The following ELMO1 variants were observed in gnomAD, a reference collection of about 807,000 sequenced individuals.
ELMO1 encodes engulfment and cell motility 1.
Under a neutral mutation model 98.9 loss-of-function variants are expected in ELMO1, and 26 were observed. The ratio of observed to expected loss-of-function variants is 0.26; its 90% CI spans 0.19 to 0.36. The LOEUF (loss-of-function observed/expected upper bound fraction) is 0.36. Ranked by LOEUF, ELMO1 falls within the 10% of genes least tolerant of loss-of-function variation. The pLI is 1.00. For synonymous variants in ELMO1, 346 were observed against 346.0 expected (o/e 1.00, Z 0.00); for missense variants, 627 against 935.2 (o/e 0.67, Z 4.30).
At chr7:37,229,705 A>G (rs550604319) in intron 8 of ELMO1, among the ~76,000 whole-genome samples, 45 of 152,312 alleles carry the variant, frequency 3.0e-4, no homozygotes, top group African/African-American at 1.1e-3. Flanking sequence ...TAAAAAAGTT[A>G]ACCTTACAGA....
At chr7:37,162,412 T>A (rs1434065907) in intron 13 of ELMO1, among the ~76,000 whole-genome samples, 2 of 152,162 alleles carry the variant, frequency 1.3e-5, no homozygotes, top group African/African-American at 2.4e-5. Flanking sequence ...TCCACACAAG[T>A]AGAATCATTT....
intron 10 of ELMO1, among the ~76,000 whole-genome samples, chr7:37,217,182 GA>G (rs1793335785): frequency 6.6e-6 from 1 of 152,198 alleles, no homozygotes; most frequent in African/African-American, 2.4e-5. Context: ...GATCTGAGTG[GA>G]GTTTAAGTGA....
chr7:36,979,396 A>G (rs1790854796), intron 16 of ELMO1, among the ~76,000 whole-genome samples: 1 of 152,196 alleles, frequency 6.6e-6, no homozygotes, highest in African/African-American at 2.4e-5. Context: ...GTTCACAGAG[A>G]TTAAGGAGTC....
intron 7 of ELMO1, among the ~76,000 whole-genome samples, chr7:37,235,945 AAAC>A (rs1305321196): frequency 1.3e-5 from 2 of 152,178 alleles, no homozygotes; most frequent in Non-Finnish European, 2.9e-5. Context: ...ATAAACCAAT[AAAC>A]AACAAAAAAT....
At chr7:37,416,581 C>T (rs547430883) in intron 1 of ELMO1, among the ~76,000 whole-genome samples, 2 of 152,294 alleles carry the variant, frequency 1.3e-5, no homozygotes, top group East Asian at 1.9e-4. Flanking sequence ...CTTAGATTCC[C>T]GCCCTAAAAG....
chr7:37,180,748 G>GT (rs914356193), intron 13 of ELMO1, among the ~76,000 whole-genome samples: 16 of 151,908 alleles, frequency 1.1e-4, no homozygotes, highest in African/African-American at 2.4e-4. Context: ...GCTCTAAAGT[G>GT]TTTTTTTGGG....
intron 16 of ELMO1, among the ~76,000 whole-genome samples, chr7:36,934,249 C>A (rs1341637819): frequency 5.9e-5 from 9 of 152,220 alleles, no homozygotes; most frequent in African/African-American, 1.9e-4. Flanking sequence ...TTCCCACAAC[C>A]AAGACAATGA....
At chr7:37,252,644 G>A (rs965103828) in intron 6 of ELMO1, among the ~76,000 whole-genome samples, 9 of 151,970 alleles carry the variant, frequency 5.9e-5, no homozygotes, top group African/African-American at 2.2e-4. Context: ...GAATACCTAG[G>A]AATACCATTC....
At chr7:37,192,971 A>T in intron 13 of ELMO1, among the ~76,000 whole-genome samples, 1 of 17,052 alleles carries the variant, frequency 5.9e-5, no homozygotes, top group African/African-American at 1.1e-4. Context: ...TATATAGGAG[A>T]TATATATATA....
chr7:37,397,458 T>C (rs980327993), intron 1 of ELMO1, among the ~76,000 whole-genome samples: 4 of 152,194 alleles, frequency 2.6e-5, no homozygotes, highest in Non-Finnish European at 4.4e-5. Context: ...TTGGGCAGCA[T>C]CCATGCACAA....
chr7:37,205,065 C>A (rs1200918388), intron 13 of ELMO1, among the ~76,000 whole-genome samples: 2 of 152,198 alleles, frequency 1.3e-5, no homozygotes, highest in African/African-American at 2.4e-5. Flanking sequence ...CCCACCCAAC[C>A]CAGAAGCCCA....
chr7:37,224,396 A>G (rs1793756472), intron 9 of ELMO1, among the ~76,000 whole-genome samples: 2 of 152,248 alleles, frequency 1.3e-5, no homozygotes, highest in South Asian at 4.1e-4. Flanking sequence ...AAAATACAAA[A>G]GAAGAAGCTC....
chr7:36,985,183 T>C (rs1406504327), intron 16 of ELMO1: 2 of 894,732 alleles, frequency 2.2e-6, no homozygotes, highest in South Asian at 1.0e-4. Flanking sequence ...AGCATCCCTT[T>C]CCTGGCAGAG....
At chr7:36,875,448 T>C (rs1289277104) in intron 19 of ELMO1, among the ~76,000 whole-genome samples, 1 of 152,206 alleles carries the variant, frequency 6.6e-6, no homozygotes, top group Admixed American at 6.5e-5. Flanking sequence ...GATAAATAGA[T>C]CCACACAAGT....
chr7:37,440,211 A>T (rs957923624), intron 1 of ELMO1, among the ~76,000 whole-genome samples: 2 of 152,276 alleles, frequency 1.3e-5, no homozygotes, highest in South Asian at 4.1e-4. Flanking sequence ...TGGGAGGCCA[A>T]GGCAGGCGGA....
chr7:37,074,433 G>T (rs1797452312), intron 15 of ELMO1, among the ~76,000 whole-genome samples: 1 of 152,132 alleles, frequency 6.6e-6, no homozygotes, highest in African/African-American at 2.4e-5. Flanking sequence ...TCACTTTTCG[G>T]TTATCTTCAC....
intron 16 of ELMO1, among the ~76,000 whole-genome samples, chr7:36,937,966 C>A (rs1278319059): frequency 6.6e-6 from 1 of 152,208 alleles, no homozygotes; most frequent in East Asian, 1.9e-4. Context: ...CTAGAAGCTG[C>A]AAATAATGTC....
intron 4 of ELMO1, among the ~76,000 whole-genome samples, chr7:37,304,643 G>A (rs1341809831): frequency 6.6e-6 from 1 of 152,208 alleles, no homozygotes; most frequent in African/African-American, 2.4e-5. Context: ...TTGAACCCGG[G>A]AGGTGGAGGT....
intron 1 of ELMO1, among the ~76,000 whole-genome samples, chr7:37,385,441 T>C (rs1262624555): frequency 1.3e-5 from 2 of 152,184 alleles, no homozygotes. Flanking sequence ...TGTGGCTCAC[T>C]CCCTTTCTTC....
Sources: gnomAD v4.1 joint callset for allele counts (sites outside exome capture counted in the v4.1 genomes callset) on GRCh38, gnomAD v4.1.1 for gene constraint, MANE v1.5 for transcripts, NCBI Gene and HGNC (gene_info 2026-07-23, HGNC 2026-07-21) for gene names.